UGT1A8: variants seen among roughly 807,000 people sequenced by gnomAD.
UGT1A8 encodes UDP glucuronosyltransferase family 1 member A8.
In UGT1A8, 39 loss-of-function variants were observed where a neutral mutation model predicts 45.3. That is an observed-to-expected ratio of 0.86 (90% CI 0.67 to 1.12). The LOEUF (loss-of-function observed/expected upper bound fraction) is 1.12, where lower values mean the gene tolerates loss of function less well. UGT1A8 is among the 50% of genes most tolerant of loss of function. The probability of loss-of-function intolerance (pLI) is 0.00; values close to 1 mark genes in which losing one functional copy is unlikely to be tolerated. For missense variants in UGT1A8, 719 were observed against 664.9 expected (o/e 1.08, Z -0.90); for synonymous variants, 275 against 249.2 (o/e 1.10, Z -0.97).
chr2:233,636,888 G>A (rs767585841), intron 1 of UGT1A8: 20 of 1,613,596 alleles, frequency 1.2e-5, no homozygotes, highest in East Asian at 4.5e-5. Flanking sequence ...TATTTTTTTC[G>A]CATTGCAGGA....
rs376801837 is a variant in UGT1A8 at position 233,681,892 on chromosome 2, T to C, written c.855+63330T>C. On this transcript the variant is annotated intron_variant, in intron 1 of 4. Transcript: ENST00000373450. ...TGTACTTCTTCCACTTACTATATTA[T>C]AGGAGCTTAGAATCCCAGCTGCTGG... The C allele has an allele frequency of 1.4e-5, 22 of 1,586,758 alleles. No homozygotes were observed. The African/African-American group carries it at 2.2e-4, about 16-fold the overall frequency.
chr2:233,743,525 C>T (rs1559387146), intron 1 of UGT1A8: 1 of 1,367,234 alleles, frequency 7.3e-7, no homozygotes, highest in Non-Finnish European at 9.8e-7. Flanking sequence ...CTTCTGCTTC[C>T]CCAGCAGTTC....
chr2:233,724,358 C>T (rs2077236787), intron 1 of UGT1A8, among the ~76,000 whole-genome samples: 1 of 147,908 alleles, frequency 6.8e-6, no homozygotes, highest in African/African-American at 2.5e-5. Context: ...CACCTCCCTC[C>T]CGGACGGGGT....
At chr2:233,757,535 A>AATATATATACATATACATACATATAT (rs376887521) in intron 1 of UGT1A8, among the ~76,000 whole-genome samples, 2 of 88,310 alleles carry the variant, frequency 2.3e-5, no homozygotes, top group African/African-American at 1.0e-4. Flanking sequence ...GCCTGTAAGG[A>AATATATATACATATACATACATATAT]ATATATATAT....
rs45542332 is a variant in UGT1A8 at position 233,637,869 on chromosome 2, A to G, written c.855+19307A>G. 6.6e-5 allele frequency among the ~76,000 whole-genome samples: 10 copies of G among 152,298 alleles called. No individual in the cohort carries two copies. The East Asian group carries it at 1.9e-3, about 29-fold the overall frequency. On this transcript the variant is annotated intron_variant, in intron 1 of 4. Transcript: ENST00000373450. ...TTTCACTTGCCAATAAATTATGGGTACCTTTATAGAGCAATACAGACAGAT... is the reference window on the plus strand; with the variant it reads ...TTTCACTTGCCAATAAATTATGGGTGCCTTTATAGAGCAATACAGACAGAT...
intron 1 of UGT1A8, chr2:233,647,863 T>C: frequency 7.3e-7 from 1 of 1,363,898 alleles, no homozygotes; most frequent in Non-Finnish European, 1.0e-6. Context: ...TCCATTGTTT[T>C]TCTATTTCCT....
At chr2:233,743,997 T>A (rs1692639058) in intron 1 of UGT1A8, 2 of 1,236,004 alleles carry the variant, frequency 1.6e-6, no homozygotes, top group Non-Finnish European at 2.1e-6. Flanking sequence ...GCCCGAGTGC[T>A]CGGAGACCTG....
chr2:233,742,496 A>G (rs376180640), intron 1 of UGT1A8, among the ~76,000 whole-genome samples: 4 of 151,946 alleles, frequency 2.6e-5, no homozygotes, highest in Admixed American at 1.3e-4. Context: ...CATAGGCATC[A>G]TGGCTATCAT....
chr2:233,644,698 G>A (rs575491822), intron 1 of UGT1A8, among the ~76,000 whole-genome samples: 18 of 152,308 alleles, frequency 1.2e-4, no homozygotes, highest in African/African-American at 4.3e-4. Flanking sequence ...TCTCCCACCA[G>A]GGCTCAGGGA....
At chr2:233,746,121 A>T (rs1693307718) in intron 1 of UGT1A8, among the ~76,000 whole-genome samples, 1 of 151,800 alleles carries the variant, frequency 6.6e-6, no homozygotes, top group Non-Finnish European at 1.5e-5. Context: ...TGTCTGCAAA[A>T]CTGTGGACTG....
rs6742078 is a variant in UGT1A8, at chr2:233,763,993, G to T, written c.856-3041G>T. ...TGTGGGTTACTGGGAATGCGTGATG[G>T]TGAAGTCACAGATGACCCACATGGT... On this transcript the variant is annotated intron_variant, in intron 1 of 4. Transcript: ENST00000373450. 0.36 allele frequency among the ~76,000 whole-genome samples: 54,149 copies of T among 152,126 alleles called. 9,972 individuals carry two copies. Among genetic ancestry groups the T allele is most frequent in the African/African-American group, 0.43 (17,876 of 41,508 alleles).
At chr2:233,682,816 A>G (rs28969714) in intron 1 of UGT1A8, 1 of 1,580,878 alleles carries the variant, frequency 6.3e-7, no homozygotes, top group Non-Finnish European at 8.6e-7. Context: ...CCTTTAGCAC[A>G]TTAAGAATAA....
Position 233,644,741 on chromosome 2 carries a change from AG to A in UGT1A8, c.855+26184del, listed in dbSNP as rs1244858366. Among the ~76,000 whole-genome samples the A allele has an allele frequency of 1.3e-3, 192 of 152,124 alleles. 1 individual carries two copies. The highest frequency in any genetic ancestry group is 4.3e-3 in the African/African-American group (179 of 41,540). ...TATGCCACACCGCCACTGTGGGTTC[AG>A]GGGGTTGGGTGACATAGGAGATGCA... On this transcript the variant is annotated intron_variant, in intron 1 of 4. Transcript: ENST00000373450.
At chr2:233,771,559 G>GTA (rs1700328528) in intron 4 of UGT1A8, 1 of 152,152 alleles carries the variant, frequency 6.6e-6, no homozygotes, top group South Asian at 2.1e-4. Flanking sequence ...CTGTTAATTT[G>GTA]GCCAGAGGTG....
At chr2:233,655,732 C>T (rs2073839704) in intron 1 of UGT1A8, among the ~76,000 whole-genome samples, 1 of 152,184 alleles carries the variant, frequency 6.6e-6, no homozygotes, top group Admixed American at 6.5e-5. Flanking sequence ...AGGCAAGTCT[C>T]TCCTGTCCCT....
intron 1 of UGT1A8, among the ~76,000 whole-genome samples, chr2:233,764,842 T>G (rs925133951): frequency 2.6e-5 from 4 of 151,734 alleles, no homozygotes; most frequent in African/African-American, 7.3e-5. Flanking sequence ...GGAGGATGAC[T>G]CTGTCCTCCC....
chr2:233,728,942 G>A (rs1352391275), intron 1 of UGT1A8, among the ~76,000 whole-genome samples: 1 of 147,948 alleles, frequency 6.8e-6, no homozygotes, highest in Non-Finnish European at 1.5e-5. Flanking sequence ...CTTTTCCAGG[G>A]TGGGGCCCAC....
At chr2:233,663,171 C>T (rs777262575) in intron 1 of UGT1A8, among the ~76,000 whole-genome samples, 20 of 152,072 alleles carry the variant, frequency 1.3e-4, no homozygotes, top group Non-Finnish European at 1.5e-4. Flanking sequence ...TGTAACCACC[C>T]GGGGGATTCA....
rs760553576 is a variant in UGT1A8 at position 233,656,581 on chromosome 2, C to A, written c.855+38019C>A. ...CGCCCATGACTCAACTCTTGCCTGG[C>A]GTGGTTTGAGGTCTTGTGTGTAGTT... On this transcript the variant is annotated intron_variant, in intron 1 of 4. Transcript: ENST00000373450. Among the ~76,000 whole-genome samples, 126 of 152,130 alleles carry A rather than the reference C, an allele frequency of 8.3e-4. 1 individual carries two copies. The highest frequency in any genetic ancestry group is 7.6e-3 in the Admixed American group (116 of 15,276).
Sources: allele counts gnomAD v4.1 joint callset (sites outside exome capture counted in the v4.1 genomes callset), GRCh38; gene constraint gnomAD v4.1.1; transcripts MANE v1.5; gene names NCBI Gene and HGNC (gene_info 2026-07-23, HGNC 2026-07-21).